Variants in SYT14 observed in about 807,000 individuals in gnomAD.
SYT14 encodes synaptotagmin-14.
In SYT14, 32 loss-of-function variants were observed where a neutral mutation model predicts 74.2. The observed-to-expected ratio is 0.43, with a 90% CI of 0.33 to 0.58. The LOEUF is 0.58. SYT14 is among the 20% of genes least tolerant of loss of function. The pLI is 0.05. For missense variants in SYT14, 791 were observed against 981.8 expected (o/e 0.81, Z 2.60); for synonymous variants, 298 against 337.7 (o/e 0.88, Z 1.29).
intron 2 of SYT14, among the ~76,000 whole-genome samples, chr1:209,993,665 C>A (rs912631702): frequency 6.6e-6 from 1 of 152,078 alleles, no homozygotes; most frequent in Non-Finnish European, 1.5e-5. Flanking sequence ...CCTGGCAGCC[C>A]GGAACACCTA....
At chr1:210,031,690 T>C (rs900337929) in intron 5 of SYT14, among the ~76,000 whole-genome samples, 3 of 152,182 alleles carry the variant, frequency 2.0e-5, no homozygotes, top group African/African-American at 4.8e-5. Flanking sequence ...TTTGTAGGCA[T>C]AGAGTTGTTT....
chr1:210,024,512 A>G (rs2080368799), intron 5 of SYT14, among the ~76,000 whole-genome samples: 1 of 152,124 alleles, frequency 6.6e-6, no homozygotes, highest in South Asian at 2.1e-4. Context: ...TAAATATGAA[A>G]TCCAGAGAGG....
chr1:210,036,827 G>A (rs1018676184), intron 5 of SYT14, among the ~76,000 whole-genome samples: 2 of 152,052 alleles, frequency 1.3e-5, no homozygotes, highest in Non-Finnish European at 2.9e-5. Context: ...GCTAGGTTCA[G>A]TTTGCTAGTA....
intron 2 of SYT14, among the ~76,000 whole-genome samples, chr1:209,962,766 A>G (rs988162016): frequency 3.3e-5 from 5 of 152,162 alleles, no homozygotes; most frequent in Non-Finnish European, 1.5e-5. Context: ...TCATAGGAGT[A>G]CAAGAATCTA....
chr1:210,014,655 C>G (rs1315142613), intron 3 of SYT14, among the ~76,000 whole-genome samples: 1 of 152,006 alleles, frequency 6.6e-6, no homozygotes, highest in Admixed American at 6.5e-5. Flanking sequence ...TTATAAGACT[C>G]TATTAGTTAT....
exon 10 of SYT14, chr1:210,170,144 T>G (rs2083508696): frequency 6.6e-6 from 1 of 152,186 alleles, no homozygotes; most frequent in South Asian, 2.1e-4. Context: ...ATTAACCTTT[T>G]CCTTGGTCTT....
chr1:210,072,043 C>G (rs887880798), intron 5 of SYT14, among the ~76,000 whole-genome samples: 1 of 150,978 alleles, frequency 6.6e-6, no homozygotes, highest in Non-Finnish European at 1.5e-5. Flanking sequence ...AATGTTTATA[C>G]CTTTTTAAAA....
intron 5 of SYT14, among the ~76,000 whole-genome samples, chr1:210,088,729 C>T (rs139741777): frequency 5.7e-4 from 87 of 152,004 alleles, no homozygotes; most frequent in African/African-American, 2.0e-3. Flanking sequence ...TTTTTGTTAA[C>T]TTCTTGAAGT....
At position 210,060,685 on chromosome 1, in the gene SYT14, A is replaced by G. The variant is rs1411991756; in HGVS notation, c.1313-33637A>G. ...CTCTAATAGAAAGGAAAAAATATAT[A>G]TATTCAATCCATGGGCCATGCTGCT... On this transcript the variant is annotated intron_variant, in intron 5 of 9. Transcript: ENST00000637265. 3.3e-5 allele frequency among the ~76,000 whole-genome samples: 5 copies of G among 152,068 alleles called. No homozygotes were observed. In the South Asian group the frequency reaches 6.2e-4, roughly 19 times the overall value.
intron 1 of SYT14, among the ~76,000 whole-genome samples, chr1:209,950,708 G>T (rs1187744475): frequency 6.6e-6 from 1 of 152,108 alleles, no homozygotes; most frequent in Non-Finnish European, 1.5e-5. Flanking sequence ...TTGCTTCTCA[G>T]ATGACCTACT....
At chr1:210,170,597 G>A (rs769778908) in exon 10 of SYT14, 1 of 151,960 alleles carries the variant, frequency 6.6e-6, no homozygotes, top group Non-Finnish European at 1.5e-5. Flanking sequence ...TAAAAAATCT[G>A]TTTACGTTTT....
intron 5 of SYT14, among the ~76,000 whole-genome samples, chr1:210,041,566 A>G (rs2080789512): frequency 6.6e-6 from 1 of 152,338 alleles, no homozygotes; most frequent in Non-Finnish European, 1.5e-5. Flanking sequence ...TGTATAGCAT[A>G]CACTAAGTGA....
chr1:210,139,472 T>C (rs2082871301), intron 7 of SYT14, among the ~76,000 whole-genome samples: 2 of 152,138 alleles, frequency 1.3e-5, no homozygotes, highest in South Asian at 2.1e-4. Context: ...ATAGGGATCC[T>C]GTAAGTAATT....
chr1:210,101,198 C>T (rs1487113258), intron 7 of SYT14, among the ~76,000 whole-genome samples: 1 of 151,974 alleles, frequency 6.6e-6, no homozygotes, highest in Non-Finnish European at 1.5e-5. Context: ...TACATTATGC[C>T]ACATAGTTAT....
At chr1:210,019,112 G>A (rs2080249008) in intron 4 of SYT14, among the ~76,000 whole-genome samples, 1 of 108,344 alleles carries the variant, frequency 9.2e-6, no homozygotes, top group Non-Finnish European at 1.7e-5. Flanking sequence ...CTCCAGACTG[G>A]CAACAGGGTG....
chr1:209,975,098 T>G (rs1440389339), intron 2 of SYT14, among the ~76,000 whole-genome samples: 1 of 152,212 alleles, frequency 6.6e-6, no homozygotes, highest in Non-Finnish European at 1.5e-5. Context: ...CCTATCGGCT[T>G]AAGGAGATTT....
intron 5 of SYT14, among the ~76,000 whole-genome samples, chr1:210,021,473 C>T (rs907875052): frequency 1.2e-4 from 18 of 152,148 alleles, no homozygotes; most frequent in Non-Finnish European, 2.4e-4. Context: ...AAATAATTTA[C>T]GTAATGTGTT....
intron 5 of SYT14, among the ~76,000 whole-genome samples, chr1:210,030,975 G>A (rs540094196): frequency 6.6e-6 from 1 of 151,896 alleles, no homozygotes; most frequent in South Asian, 2.1e-4. Context: ...TGCCCAGGCT[G>A]GAGTGCAGTG....
intron 5 of SYT14, among the ~76,000 whole-genome samples, chr1:210,031,023 C>T (rs1270029378): frequency 6.6e-6 from 1 of 151,482 alleles, no homozygotes; most frequent in East Asian, 1.9e-4. Flanking sequence ...ACCTCCTGGG[C>T]TCAAGCAATC....
Sources: gnomAD v4.1 joint callset for allele counts (sites outside exome capture counted in the v4.1 genomes callset) on GRCh38, gnomAD v4.1.1 for gene constraint, MANE v1.5 for transcripts, NCBI Gene and HGNC (gene_info 2026-07-23, HGNC 2026-07-21) for gene names.